Variants in IGF2BP3 observed in about 807,000 individuals in gnomAD.
IGF2BP3 encodes insulin like growth factor 2 mRNA binding protein 3.
A neutral mutation model predicts 73.8 loss-of-function variants in IGF2BP3; 9 were observed. The ratio of observed to expected loss-of-function variants is 0.12; its 90% CI spans 0.07 to 0.21. The LOEUF is 0.21. Among genes scored for constraint, IGF2BP3 ranks in the 10% least tolerant of loss-of-function variants. The probability of loss-of-function intolerance (pLI) is 1.00; values close to 1 mark genes in which losing one functional copy is unlikely to be tolerated. For synonymous variants in IGF2BP3, 258 were observed against 256.7 expected, an observed-to-expected ratio of 1.01 and a Z score of -0.05; for missense variants, 542 against 714.0, an observed-to-expected ratio of 0.76 and a Z score of 2.75.
chr7:23,433,282 G>A (rs959046175), intron 2 of IGF2BP3, among the ~76,000 whole-genome samples: 3 of 151,572 alleles, frequency 2.0e-5, no homozygotes, highest in African/African-American at 4.9e-5. Flanking sequence ...TTTAGAAACC[G>A]TACATCTTAA....
intron 3 of IGF2BP3, among the ~76,000 whole-genome samples, chr7:23,412,143 T>G (rs575428924): frequency 6.6e-6 from 1 of 152,074 alleles, no homozygotes; most frequent in South Asian, 2.1e-4. Context: ...CTACCATGCC[T>G]GGCTAATTTT....
At chr7:23,386,102 C>A (rs1300168060) in intron 3 of IGF2BP3, among the ~76,000 whole-genome samples, 2 of 152,054 alleles carry the variant, frequency 1.3e-5, no homozygotes, top group Non-Finnish European at 2.9e-5. Context: ...TGGCCTTAAG[C>A]TGATAATTGA....
intron 2 of IGF2BP3, among the ~76,000 whole-genome samples, chr7:23,448,266 C>T (rs116237772): frequency 2.0e-5 from 3 of 152,280 alleles, no homozygotes; most frequent in South Asian, 2.1e-4. Flanking sequence ...TCCTTAGGCA[C>T]GACCTGGTAT....
At chr7:23,464,823 C>T (rs1192031775) in intron 2 of IGF2BP3, among the ~76,000 whole-genome samples, 1 of 151,816 alleles carries the variant, frequency 6.6e-6, no homozygotes, top group Non-Finnish European at 1.5e-5. Flanking sequence ...TTTCTCCTTT[C>T]TTCAAATGTA....
chr7:23,316,186 C>A (rs1398503116), intron 12 of IGF2BP3, among the ~76,000 whole-genome samples: 1 of 152,152 alleles, frequency 6.6e-6, no homozygotes, highest in Non-Finnish European at 1.5e-5. Flanking sequence ...TTCACCTAAC[C>A]ACCCACATCT....
intron 3 of IGF2BP3, among the ~76,000 whole-genome samples, chr7:23,410,367 G>A (rs745474315): frequency 2.0e-5 from 3 of 152,212 alleles, no homozygotes; most frequent in South Asian, 2.1e-4. Context: ...TCAATCAACT[G>A]ATAAAGGGCA....
Position 23,317,173 on chromosome 7 carries a change from C to T in IGF2BP3, c.1395+466G>A, listed in dbSNP as rs1436273266. 3.3e-5 allele frequency among the ~76,000 whole-genome samples: 5 copies of T among 152,198 alleles called. No homozygotes were observed. The East Asian group carries it at 9.6e-4, about 29-fold the overall frequency. On this transcript the variant is annotated intron_variant, in intron 12 of 14. Transcript: ENST00000258729. ...CATACCAGAACAAATGCTACAAGAG[C>T]TCCTGCCATTCCTATCTCTAAGATC...
At chr7:23,440,379 T>G (rs543774270) in intron 2 of IGF2BP3, among the ~76,000 whole-genome samples, 1 of 152,214 alleles carries the variant, frequency 6.6e-6, no homozygotes, top group East Asian at 1.9e-4. Context: ...GAGGTTGCAG[T>G]GAGCCGAGAT....
At chr7:23,390,765 T>A (rs913564820) in intron 3 of IGF2BP3, among the ~76,000 whole-genome samples, 1 of 151,892 alleles carries the variant, frequency 6.6e-6, no homozygotes, top group African/African-American at 2.4e-5. Context: ...CTAAAAACTT[T>A]ACAGCTGTTT....
At chr7:23,459,924 G>C (rs1235367522) in intron 2 of IGF2BP3, among the ~76,000 whole-genome samples, 1 of 151,684 alleles carries the variant, frequency 6.6e-6, no homozygotes, top group Non-Finnish European at 1.5e-5. Flanking sequence ...TAAGAAAGCA[G>C]AATGAATTTG....
intron 2 of IGF2BP3, among the ~76,000 whole-genome samples, chr7:23,448,733 C>T (rs139126399): frequency 2.6e-4 from 39 of 152,154 alleles, no homozygotes; most frequent in African/African-American, 8.4e-4. Flanking sequence ...TGGGTTCAAA[C>T]GATTCTCATG....
intron 2 of IGF2BP3, among the ~76,000 whole-genome samples, chr7:23,431,853 T>C (rs571484606): frequency 1.3e-5 from 2 of 152,124 alleles, no homozygotes; most frequent in African/African-American, 2.4e-5. Flanking sequence ...TCTCTCTCTC[T>C]CTTATGGATT....
chr7:23,344,840 T>TA lies in IGF2BP3; in HGVS notation c.942-988dup, dbSNP rs1784793023. On this transcript the variant is annotated intron_variant, in intron 8 of 14. Coordinates refer to ENST00000258729, the MANE Select transcript of IGF2BP3 (RefSeq NM_006547.3). ...TTTGTATAATGAAGACTATTTCTCT[T>TA]AGACTACTTTAAAAAGAAGTCTATA... Among the ~76,000 whole-genome samples, 3 of 152,362 alleles carry TA rather than the reference T, an allele frequency of 2.0e-5. No homozygotes were observed. The South Asian group carries it at 6.2e-4, about 32-fold the overall frequency.
intron 5 of IGF2BP3, among the ~76,000 whole-genome samples, chr7:23,353,485 A>G (rs1226854314): frequency 3.9e-5 from 6 of 152,218 alleles, no homozygotes; most frequent in Non-Finnish European, 5.9e-5. Context: ...AGTCATGCAG[A>G]AAGTAGCAAG....
intron 10 of IGF2BP3, among the ~76,000 whole-genome samples, chr7:23,323,142 T>A (rs1784204620): frequency 6.6e-6 from 1 of 151,902 alleles, no homozygotes; most frequent in Non-Finnish European, 1.5e-5. Flanking sequence ...GGATAAAGAG[T>A]CAAGACCCAT....
At chr7:23,362,785 G>C (rs1785265200) in intron 3 of IGF2BP3, 2 of 152,044 alleles carry the variant, frequency 1.3e-5, no homozygotes, top group Non-Finnish European at 2.9e-5. Context: ...ACAGGGTCTT[G>C]CTATGTCACC....
Position 23,354,300 on chromosome 7 carries a change from T to C in IGF2BP3, c.402-2714A>G, listed in dbSNP as rs1785038694. On this transcript the variant is annotated intron_variant, in intron 5 of 14. Transcript: ENST00000258729. ...GAGCCACCACACCTGACCTTAAATG[T>C]TTTTAAAGTCGGGAATAAACAGATC... Among the ~76,000 whole-genome samples, 2 of 152,188 alleles carry C rather than the reference T, an allele frequency of 1.3e-5. 1 individual carries two copies. Among genetic ancestry groups the C allele is most frequent in the African/African-American group, 4.8e-5 (2 of 41,458 alleles).
At chr7:23,401,702 T>G (rs1046551049) in intron 3 of IGF2BP3, among the ~76,000 whole-genome samples, 4 of 150,412 alleles carry the variant, frequency 2.7e-5, no homozygotes, top group Admixed American at 1.3e-4. Flanking sequence ...GAGGTAAAGG[T>G]TGCAGTGAGC....
chr7:23,424,416 T>C (rs1787440878), intron 2 of IGF2BP3, among the ~76,000 whole-genome samples: 1 of 151,734 alleles, frequency 6.6e-6, no homozygotes, highest in East Asian at 1.9e-4. Flanking sequence ...GAGAATCGCC[T>C]GAACCAGGAG....
Sources: gnomAD v4.1 joint callset for allele counts (sites outside exome capture counted in the v4.1 genomes callset) on GRCh38, gnomAD v4.1.1 for gene constraint, MANE v1.5 for transcripts, NCBI Gene and HGNC (gene_info 2026-07-23, HGNC 2026-07-21) for gene names.